The following MAF variants were observed in gnomAD, a reference collection of about 807,000 sequenced individuals.
MAF encodes MAF bZIP transcription factor.
MAF carries 10 observed loss-of-function variants against 22.0 expected under a neutral mutation model. The observed-to-expected ratio is 0.45, with a 90% CI of 0.28 to 0.77. The LOEUF is 0.77. MAF is among the 30% of genes least tolerant of loss of function. MAF has a pLI of 0.12. For missense variants in MAF, 544 were observed against 548.4 expected (o/e 0.99, Z 0.08); for synonymous variants, 337 against 255.8 (o/e 1.32, Z -3.03).
chr16:79,338,687 A>G, the MAF span, among the ~76,000 whole-genome samples: 1 of 152,288 alleles, frequency 6.6e-6, no homozygotes, highest in East Asian at 1.9e-4. Flanking sequence ...GGGAGAAAAG[A>G]GGGAGAGAGG....
chr16:79,328,501 T>C, the MAF span, among the ~76,000 whole-genome samples: 1 of 152,206 alleles, frequency 6.6e-6, no homozygotes, highest in Admixed American at 6.5e-5. Flanking sequence ...TCTTTTGATT[T>C]TGTTTTGTCT....
At chr16:79,585,422 G>A (rs1449916820), downstream of MAF, among the ~76,000 whole-genome samples, 3 of 151,964 alleles carry the variant, frequency 2.0e-5, no homozygotes, top group Non-Finnish European at 4.4e-5. Context: ...ATAAGTGACT[G>A]TAAATTTGAA....
the MAF span, among the ~76,000 whole-genome samples, chr16:79,207,803 C>G: frequency 3.3e-5 from 5 of 151,060 alleles, no homozygotes; most frequent in Non-Finnish European, 7.4e-5. Flanking sequence ...TTTTTCTTTA[C>G]CATATATTGT....
the MAF span, among the ~76,000 whole-genome samples, chr16:79,498,723 T>C: frequency 6.6e-6 from 1 of 152,220 alleles, no homozygotes; most frequent in Non-Finnish European, 1.5e-5. Context: ...ATGAGTTTGT[T>C]TCTGGAATCC....
the MAF span, among the ~76,000 whole-genome samples, chr16:79,306,597 G>C: frequency 6.6e-6 from 1 of 152,282 alleles, no homozygotes; most frequent in Non-Finnish European, 1.5e-5. Context: ...TCTATCTCCA[G>C]TTTCCAGGAA....
the MAF span, among the ~76,000 whole-genome samples, chr16:79,384,787 A>C: frequency 6.6e-6 from 1 of 152,190 alleles, no homozygotes; most frequent in Admixed American, 6.5e-5. Context: ...AAATTAAAAA[A>C]GGGGGAGCAT....
At chr16:79,437,643 G>A in the MAF span, among the ~76,000 whole-genome samples, 4 of 151,940 alleles carry the variant, frequency 2.6e-5, no homozygotes, top group South Asian at 2.1e-4. Flanking sequence ...AGCTCATGCC[G>A]GTCACCCAGC....
chr16:79,338,453 G>A, the MAF span, among the ~76,000 whole-genome samples: 1 of 152,148 alleles, frequency 6.6e-6, no homozygotes, highest in African/African-American at 2.4e-5. Flanking sequence ...ACACTTTTGG[G>A]AGCAGAATGA....
the MAF span, among the ~76,000 whole-genome samples, chr16:79,383,202 C>G: frequency 6.6e-6 from 1 of 152,096 alleles, no homozygotes; most frequent in Non-Finnish European, 1.5e-5. Context: ...TACTTAAACT[C>G]CAACTGAAAC....
chr16:79,390,104 C>T, the MAF span, among the ~76,000 whole-genome samples: 2 of 150,684 alleles, frequency 1.3e-5, no homozygotes, highest in African/African-American at 4.9e-5. Context: ...TGAACATGTG[C>T]ATTGGTGATG....
chr16:79,585,873 G>C (rs143998878), exon 2 of MAF: 1 of 653,870 alleles, frequency 1.5e-6, no homozygotes, highest in Non-Finnish European at 2.7e-6. Context: ...CAAAAATCAA[G>C]ATGTACCTCT....
chr16:79,296,840 G>A, the MAF span, among the ~76,000 whole-genome samples: 1 of 152,192 alleles, frequency 6.6e-6, no homozygotes. Context: ...CACTGAGGAA[G>A]TTCAGTTTTC....
chr16:79,545,314 G>T, the MAF span, among the ~76,000 whole-genome samples: 1 of 152,228 alleles, frequency 6.6e-6, no homozygotes, highest in East Asian at 1.9e-4. Flanking sequence ...GTGAAAGGTG[G>T]GGAATGCAGA....
At chr16:79,500,709 T>C in the MAF span, among the ~76,000 whole-genome samples, 9 of 152,254 alleles carry the variant, frequency 5.9e-5, no homozygotes, top group African/African-American at 2.2e-4. Context: ...AAAGGTACAC[T>C]GCATCAGCAT....
At chr16:79,502,298 C>A in the MAF span, among the ~76,000 whole-genome samples, 1 of 152,132 alleles carries the variant, frequency 6.6e-6, no homozygotes, top group Non-Finnish European at 1.5e-5. Context: ...TTAGGCTTAA[C>A]AAGTAGCCTG....
chr16:79,496,739 GAAA>G, the MAF span, among the ~76,000 whole-genome samples: 2 of 152,172 alleles, frequency 1.3e-5, no homozygotes, highest in African/African-American at 4.8e-5. Context: ...ATGGGGCTAT[GAAA>G]ATAAACACAC....
chr16:79,512,239 T>TG, the MAF span, among the ~76,000 whole-genome samples: 2 of 152,162 alleles, frequency 1.3e-5, no homozygotes, highest in African/African-American at 2.4e-5. Flanking sequence ...TCAGTACAGG[T>TG]GGGCCTCCCA....
At chr16:79,383,220 T>G in the MAF span, among the ~76,000 whole-genome samples, 2 of 151,476 alleles carry the variant, frequency 1.3e-5, no homozygotes, top group East Asian at 3.9e-4. Context: ...AACCCTGGAC[T>G]GGGGTGGGGG....
At chr16:79,279,601 C>A in the MAF span, among the ~76,000 whole-genome samples, 1 of 152,030 alleles carries the variant, frequency 6.6e-6, no homozygotes, top group African/African-American at 2.4e-5. Flanking sequence ...CAAGCACTGA[C>A]CCCTCACCCC....
Sources: gnomAD v4.1 joint callset for allele counts (sites outside exome capture counted in the v4.1 genomes callset) on GRCh38, gnomAD v4.1.1 for gene constraint, MANE v1.5 for transcripts, NCBI Gene and HGNC (gene_info 2026-07-23, HGNC 2026-07-21) for gene names.